MTCL3: variants seen among roughly 807,000 people sequenced by gnomAD.
The protein encoded by MTCL3 is microtubule cross-linking factor 3.
chr6:127,479,095 G>C, the MTCL3 span, among the ~76,000 whole-genome samples: 1 of 151,556 alleles, frequency 6.6e-6, no homozygotes, highest in Non-Finnish European at 1.5e-5. Context: ...GAAATCTAAG[G>C]TCATGTAGGC....
chr6:127,473,815 A>G, the MTCL3 span, among the ~76,000 whole-genome samples: 1 of 152,220 alleles, frequency 6.6e-6, no homozygotes, highest in Non-Finnish European at 1.5e-5. Flanking sequence ...TGGGTTCTCC[A>G]ATGGATACAG....
the MTCL3 span, among the ~76,000 whole-genome samples, chr6:127,477,502 A>G: frequency 6.6e-6 from 1 of 152,226 alleles, no homozygotes; most frequent in African/African-American, 2.4e-5. Flanking sequence ...CATTAAAAAA[A>G]CAAAAATAAA....
chr6:127,493,295 C>A, the MTCL3 span, among the ~76,000 whole-genome samples: 99 of 152,196 alleles, frequency 6.5e-4, 1 homozygote, highest in East Asian at 0.018. Context: ...ATTTTCCAAA[C>A]TTACAGTGAT....
chr6:127,515,567 C>T, the MTCL3 span: 1 of 1,463,956 alleles, frequency 6.8e-7, no homozygotes, highest in Non-Finnish European at 9.0e-7. This position sits in a 1 kb window ranked among gnomAD's most constrained non-coding sequence, Gnocchi z 4.3. Flanking sequence ...TGCATTTCTT[C>T]CTGCTCTTGG....
At chr6:127,476,374 T>C in the MTCL3 span, 3 of 1,614,184 alleles carry the variant, frequency 1.9e-6, no homozygotes, top group African/African-American at 1.3e-5. This position sits in a 1 kb window ranked among gnomAD's most constrained non-coding sequence, Gnocchi z 4.4. Context: ...TTCAAATCTG[T>C]CCTTTTCTTT....
chr6:127,473,299 T>C, the MTCL3 span: 3 of 1,538,922 alleles, frequency 1.9e-6, no homozygotes, highest in Non-Finnish European at 2.6e-6. Flanking sequence ...CAAAAAACAG[T>C]GTAAAAAGGA....
At chr6:127,518,119 G>C in the MTCL3 span, among the ~76,000 whole-genome samples, 1 of 152,194 alleles carries the variant, frequency 6.6e-6, no homozygotes, top group Non-Finnish European at 1.5e-5. Flanking sequence ...GAACAAAGAA[G>C]ACATCGGGGG....
the MTCL3 span, among the ~76,000 whole-genome samples, chr6:127,498,950 G>A: frequency 2.0e-5 from 3 of 152,188 alleles, no homozygotes; most frequent in African/African-American, 7.2e-5. Flanking sequence ...GGACATGAGA[G>A]ATCTTTATGA....
chr6:127,516,505 T>A, the MTCL3 span: 1 of 1,599,158 alleles, frequency 6.3e-7, no homozygotes, highest in South Asian at 1.1e-5. Flanking sequence ...CTGAGCTCGC[T>A]GCTGCTTTCT....
chr6:127,515,490 GCCGGGTC>G, the MTCL3 span: 1 of 1,405,214 alleles, frequency 7.1e-7, no homozygotes, highest in Non-Finnish European at 9.2e-7. This position sits in a 1 kb window ranked among gnomAD's most constrained non-coding sequence, Gnocchi z 4.3. Context: ...CCATCCCCCA[GCCGGGTC>G]CCCCCACCCT....
chr6:127,492,520 C>G, the MTCL3 span, among the ~76,000 whole-genome samples: 19 of 152,044 alleles, frequency 1.2e-4, no homozygotes, highest in African/African-American at 4.1e-4. Flanking sequence ...TATTTTGATT[C>G]CAGAAATTTT....
At chr6:127,484,327 C>T in the MTCL3 span, among the ~76,000 whole-genome samples, 1 of 152,108 alleles carries the variant, frequency 6.6e-6, no homozygotes, top group African/African-American at 2.4e-5. Context: ...AAATGAATAG[C>T]CCACGTGGTT....
the MTCL3 span, among the ~76,000 whole-genome samples, chr6:127,491,422 C>A: frequency 6.6e-6 from 1 of 152,228 alleles, no homozygotes; most frequent in Non-Finnish European, 1.5e-5. Context: ...CGCCATCCAA[C>A]TAGATGATGA....
At chr6:127,475,871 C>A in the MTCL3 span, 2 of 1,613,700 alleles carry the variant, frequency 1.2e-6, no homozygotes, top group Non-Finnish European at 1.7e-6. The surrounding 1 kb of genome is among the most constrained non-coding windows in gnomAD (Gnocchi z 7.3). Context: ...AGCTGCATGA[C>A]CTTGCCGCTG....
At chr6:127,516,329 G>A in the MTCL3 span, 4 of 1,595,424 alleles carry the variant, frequency 2.5e-6, no homozygotes, top group Non-Finnish European at 3.4e-6. Flanking sequence ...CCGCCTCCTC[G>A]GATGCTGGCG....
At chr6:127,510,880 C>T in the MTCL3 span, among the ~76,000 whole-genome samples, 2 of 152,106 alleles carry the variant, frequency 1.3e-5, no homozygotes, top group East Asian at 3.9e-4. Context: ...CCCCCAGCTG[C>T]TCAGGATGAA....
the MTCL3 span, chr6:127,515,105 A>C: frequency 1.7e-5 from 24 of 1,385,524 alleles, no homozygotes; most frequent in South Asian, 1.6e-4. This position sits in a 1 kb window ranked among gnomAD's most constrained non-coding sequence, Gnocchi z 4.3. Context: ...CTTCCGACAC[A>C]CACCGTACAC....
the MTCL3 span, chr6:127,515,177 A>G: frequency 1.2e-6 from 1 of 867,916 alleles, no homozygotes; most frequent in Non-Finnish European, 1.8e-6. This position sits in a 1 kb window ranked among gnomAD's most constrained non-coding sequence, Gnocchi z 4.3. Context: ...GACAGGAGTG[A>G]CAAGGAGCTG....
the MTCL3 span, among the ~76,000 whole-genome samples, chr6:127,490,223 GA>G: frequency 6.6e-6 from 1 of 152,074 alleles, no homozygotes; most frequent in South Asian, 2.1e-4. Context: ...GCCCACTTTT[GA>G]GACCTACTGC....
Sources: gnomAD v4.1 joint callset for allele counts (sites outside exome capture counted in the v4.1 genomes callset) on GRCh38, gnomAD v4.1.1 for gene constraint, Gnocchi (gnomAD v3.1) non-coding constraint, MANE v1.5 for transcripts, NCBI Gene and HGNC (gene_info 2026-07-23, HGNC 2026-07-21) for gene names.